The following SCN3A variants were observed in gnomAD, a reference collection of about 807,000 sequenced individuals.
SCN3A encodes sodium channel protein type 3 subunit alpha.
In SCN3A, 60 loss-of-function variants were observed where a neutral mutation model predicts 187.6. The observed-to-expected ratio is 0.32, with a 90% CI of 0.26 to 0.40. The LOEUF (loss-of-function observed/expected upper bound fraction) is 0.40, where lower values mean the gene tolerates loss of function less well. Ranked by LOEUF, SCN3A falls within the 10% of genes least tolerant of loss-of-function variation. SCN3A has a pLI of 1.00. For synonymous variants in SCN3A, 788 were observed against 829.2 expected (o/e 0.95, Z 0.85); for missense variants, 1,601 against 2,428.2 (o/e 0.66, Z 7.16).
rs202214691 is a variant in SCN3A at position 165,090,253 on chromosome 2, G to A, written c.5900C>T (p.Pro1967Leu). 2.5e-6 allele frequency: 4 copies of A among 1,611,622 alleles called. No individual in the cohort carries two copies. In the Admixed American group the frequency reaches 5.0e-5, roughly 20 times the overall value. Residue 1967 changes from proline (P) to leucine (L), a missense_variant, in exon 28 of 28, where the codon CCT becomes CTT. Physicochemically the swap from Pro to Leu is moderately conservative, Grantham distance 98. Transcript: ENST00000283254. This position sits in a 1 kb window ranked among gnomAD's most constrained non-coding sequence, Gnocchi z 4.0. The stretch of plus-strand genomic sequence containing the variant: ...TTTTGTTACACTATCATAGGAAGGA[G>A]GAGAGGTGGTAGAGGAACTCCCATC... The part of the protein sequence containing the change: ...KTDGSSSTTS[P>L]PSYDSVTKPD...
chr2:165,100,599 C>CT (rs1012706420), intron 21 of SCN3A, among the ~76,000 whole-genome samples, 175 bp from the exon 22 acceptor site: 2 of 151,818 alleles, frequency 1.3e-5, no homozygotes, highest in Non-Finnish European at 2.9e-5. Context: ...CATACTATTG[C>CT]TTTTTTTTAA....
Position 165,090,139 on chromosome 2 carries a change from T to C in SCN3A, c.*11A>G, listed in dbSNP as rs778350596. On this transcript the variant is annotated 3_prime_UTR_variant, in exon 28 of 28. Transcript: ENST00000283254. The surrounding 1 kb of genome is among the most constrained non-coding windows in gnomAD (Gnocchi z 4.0). ...AAACAATTGATCACAAAGATAATTC[T>C]TTGTTTCTTTTTACTTTTGATTTTC... 1 of 1,565,094 alleles carries C rather than the reference T, an allele frequency of 6.4e-7. No homozygotes were observed. Among genetic ancestry groups the C allele is most frequent in the South Asian group, 1.2e-5 (1 of 86,350 alleles).
chr2:165,136,664 T>C (rs1410072240), intron 15 of SCN3A, among the ~76,000 whole-genome samples: 4 of 152,204 alleles, frequency 2.6e-5, no homozygotes, highest in Admixed American at 2.6e-4. Context: ...AGCAGCCTTT[T>C]TGGGTAGTTA....
chr2:165,183,289 G>T (rs868825373), intron 2 of SCN3A, among the ~76,000 whole-genome samples: 1 of 152,206 alleles, frequency 6.6e-6, no homozygotes, highest in African/African-American at 2.4e-5. Context: ...CCTCTAAAAT[G>T]TCTACTGACA....
intron 1 of SCN3A, among the ~76,000 whole-genome samples, chr2:165,203,140 A>G (rs1317521763): frequency 1.3e-5 from 2 of 151,976 alleles, no homozygotes; most frequent in Non-Finnish European, 1.5e-5. Context: ...AATTAAGAAT[A>G]TATAATAATC....
chr2:165,142,657 T>G (rs74811048), intron 12 of SCN3A, among the ~76,000 whole-genome samples: 9,487 of 152,244 alleles, frequency 0.062, 1,091 homozygotes, highest in East Asian at 0.47. Context: ...TAAAGAATGC[T>G]AATGTTTTTC....
chr2:165,127,935 A>T lies in SCN3A; in HGVS notation c.3089T>A (p.Phe1030Tyr). The T allele has an allele frequency of 6.2e-7, 1 of 1,614,132 alleles. No individual in the cohort carries two copies. Among genetic ancestry groups the T allele is most frequent in the Non-Finnish European group, 8.5e-7 (1 of 1,180,022 alleles). ...NKMRECFQKA[F>Y]FRKPKVIEIH... The stretch of plus-strand genomic sequence containing the variant: ...TTCTATAACTTTTGGCTTTCTAAAA[A>T]AGGCTTTTTGGAAACACTCCCGCAT... Residue 1030 changes from phenylalanine (F) to tyrosine (Y), a missense_variant, in exon 18 of 28, where the codon TTT (phenylalanine) becomes TAT (tyrosine). Coordinates refer to ENST00000283254, the MANE Select transcript of SCN3A (RefSeq NM_006922.4).
At chr2:165,117,959 T>C (rs1440134742) in intron 18 of SCN3A, among the ~76,000 whole-genome samples, 1 of 152,212 alleles carries the variant, frequency 6.6e-6, no homozygotes, top group Non-Finnish European at 1.5e-5. Flanking sequence ...AGGTGTCTTA[T>C]GTTTAATACA....
At chr2:165,130,738 A>T (rs1308008321) in intron 16 of SCN3A, among the ~76,000 whole-genome samples, 4 of 152,160 alleles carry the variant, frequency 2.6e-5, no homozygotes, top group Non-Finnish European at 5.9e-5. Context: ...CAGGAAAAAA[A>T]TTGAAAAAAT....
intron 21 of SCN3A, among the ~76,000 whole-genome samples, chr2:165,103,212 A>G (rs2105671240): frequency 6.6e-6 from 1 of 152,290 alleles, no homozygotes; most frequent in South Asian, 2.1e-4. Context: ...CAACATACAT[A>G]AAGTTTGAAG....
intron 1 of SCN3A, among the ~76,000 whole-genome samples, chr2:165,190,645 G>C (rs1691541875): frequency 6.8e-6 from 1 of 148,060 alleles, no homozygotes; most frequent in Non-Finnish European, 1.5e-5. Flanking sequence ...TTTAGAAGAG[G>C]TGAGATATAA....
chr2:165,176,373 G>A lies in SCN3A; in HGVS notation c.22C>T (p.Pro8Ser), dbSNP rs1559264531. 2.5e-6 allele frequency: 4 copies of A among 1,614,014 alleles called. No individual in the cohort carries two copies. Among genetic ancestry groups the A allele is most frequent in the Non-Finnish European group, 1.7e-6 (2 of 1,179,950 alleles). ...AGGCGGAAGCTTTCAGGTCCTGGGG[G>A]TACCAACAGTGCCTGTGCCATCTTT... MAQALLVPPGPESFRLFT... is the reference protein window; with the variant it reads MAQALLVSPGPESFRLFT... Residue 8 changes from proline (P) to serine (S), a missense_variant, in exon 3 of 28, where the codon CCC (proline) becomes TCC (serine). Physicochemically the swap from Pro to Ser is moderately conservative, Grantham distance 74. Coordinates refer to ENST00000283254, the MANE Select transcript of SCN3A (RefSeq NM_006922.4).
Position 165,155,744 on chromosome 2 carries a change from T to C in SCN3A, c.1173+18A>G, listed in dbSNP as rs754823993. ...TGTCTATAAAAATAAATGTTATGCA[T>C]GCTCATTTGGACCTTACCAACTGGT... On this transcript the variant is annotated intron_variant, in intron 10 of 27. Coordinates refer to ENST00000283254, the MANE Select transcript of SCN3A (RefSeq NM_006922.4). 2 of 1,613,776 alleles carry C rather than the reference T, an allele frequency of 1.2e-6. No homozygotes were observed. Among genetic ancestry groups the C allele is most frequent in the South Asian group, 2.2e-5 (2 of 91,068 alleles).
intron 21 of SCN3A, among the ~76,000 whole-genome samples, chr2:165,108,578 T>A (rs1450017521): frequency 6.6e-6 from 1 of 152,146 alleles, no homozygotes; most frequent in Admixed American, 6.5e-5. Flanking sequence ...TGTTTTAGAA[T>A]CAAACGAAGT....
At chr2:165,143,397 G>A (rs1262621244) in intron 12 of SCN3A, among the ~76,000 whole-genome samples, 1 of 152,168 alleles carries the variant, frequency 6.6e-6, no homozygotes. Flanking sequence ...TCTGGGACAT[G>A]CCTTTAATTT....
intron 2 of SCN3A, among the ~76,000 whole-genome samples, chr2:165,184,132 C>G (rs1691072247): frequency 6.6e-6 from 1 of 151,894 alleles, no homozygotes; most frequent in Admixed American, 6.6e-5. Context: ...GCATATGCAC[C>G]CAACAGCATA....
chr2:165,190,422 C>T (rs1691516248), intron 1 of SCN3A, among the ~76,000 whole-genome samples: 1 of 151,356 alleles, frequency 6.6e-6, no homozygotes, highest in South Asian at 2.1e-4. Context: ...ATTCATTAGC[C>T]TACAGTCCTT....
intron 22 of SCN3A, among the ~76,000 whole-genome samples, chr2:165,099,574 G>A (rs1685509834): frequency 6.6e-6 from 1 of 151,926 alleles, no homozygotes; most frequent in African/African-American, 2.4e-5. Flanking sequence ...AAAAATTAGC[G>A]GGCGTGGTGG....
At chr2:165,129,710 A>C (rs376404222) in intron 17 of SCN3A, among the ~76,000 whole-genome samples, 1 of 152,240 alleles carries the variant, frequency 6.6e-6, no homozygotes, top group Non-Finnish European at 1.5e-5. Context: ...CATCTGATTT[A>C]ATCTTTGCAT....
Sources: gnomAD v4.1 joint callset for allele counts (sites outside exome capture counted in the v4.1 genomes callset) on GRCh38, gnomAD v4.1.1 for gene constraint, Gnocchi (gnomAD v3.1) non-coding constraint, MANE v1.5 for transcripts, NCBI Gene and HGNC (gene_info 2026-07-23, HGNC 2026-07-21) for gene names.